Variants in IARS1 observed in about 807,000 individuals in gnomAD.
IARS1 encodes the protein isoleucyl-tRNA synthetase 1, also known as isoleucine--tRNA ligase, cytoplasmic.
In IARS1, 124 loss-of-function variants were observed where a neutral mutation model predicts 168.2. The observed-to-expected ratio is 0.74, with a 90% CI of 0.64 to 0.86. The LOEUF (loss-of-function observed/expected upper bound fraction) is 0.86. Ranked by LOEUF, IARS1 falls within the 40% of genes least tolerant of loss-of-function variation. IARS1 has a pLI of 0.00. For missense variants in IARS1, 1,452 were observed against 1,515.8 expected (o/e 0.96, Z 0.70); for synonymous variants, 532 against 529.4 (o/e 1.00, Z -0.07).
chr9:92,227,747 G>T (rs972060478), intron 31 of IARS1, among the ~76,000 whole-genome samples: 1 of 151,056 alleles, frequency 6.6e-6, no homozygotes, highest in African/African-American at 2.4e-5. Context: ...GGGCGGCCGG[G>T]CAGAGACGCT....
rs929273948 is a variant in IARS1, at chr9:92,240,559, C to T, written c.3283+297G>A. On this transcript the variant is annotated intron_variant, in intron 30 of 33. Coordinates refer to ENST00000443024, the MANE Select transcript of IARS1 (RefSeq NM_002161.6). ...ACAGGTGTGAGCTACCATGCCTGGC[C>T]CTTTTTTTTTTTTTAATTGAGGCAG... 1.4e-5 allele frequency: 9 copies of T among 640,080 alleles called. No homozygotes were observed. The Admixed American group carries it at 1.7e-4, about 12-fold the overall frequency. The allele number at this position is 640,080 out of a possible 1,614,324, so 39.7% of individuals were successfully genotyped here. A position where few individuals can be genotyped will look rare whatever the true frequency, so the allele number is the denominator to read the frequency against.
Position 92,244,944 on chromosome 9 carries a change from G to C in IARS1, c.2904+15C>G. 1.2e-6 allele frequency: 2 copies of C among 1,603,346 alleles called. No homozygotes were observed. Among genetic ancestry groups the C allele is most frequent in the East Asian group, 2.2e-5 (1 of 44,834 alleles). On this transcript the variant is annotated intron_variant, in intron 27 of 33. Transcript: ENST00000443024. ...ATCTCTTGGTAAAGAAATGTTCTAG[G>C]AAACAGAAAAATACCTGAGCATCTG...
chr9:92,290,892 G>A (rs1406282916), intron 1 of IARS1, among the ~76,000 whole-genome samples: 1 of 152,128 alleles, frequency 6.6e-6, no homozygotes, highest in East Asian at 1.9e-4. Flanking sequence ...TCTCTTTGAG[G>A]AAAACTGGTA....
At position 92,218,954 on chromosome 9, in the gene IARS1, G is replaced by A. The variant is rs540459595; in HGVS notation, c.3706+3566C>T. ...TTCATATGGAACCAAAAAGGAGCCC[G>A]CAACGCCAAGTCAATCCTAAGCCAA... On this transcript the variant is annotated intron_variant, in intron 33 of 33. Coordinates refer to ENST00000443024, the MANE Select transcript of IARS1 (RefSeq NM_002161.6). Among the ~76,000 whole-genome samples, 8 of 152,216 alleles carry A rather than the reference G, an allele frequency of 5.3e-5. No individual in the cohort carries two copies. In the South Asian group the frequency reaches 6.2e-4, roughly 12 times the overall value.
chr9:92,241,090 T>C (rs1828333748), intron 29 of IARS1, 129 bp from the exon 30 acceptor site: 1 of 551,372 alleles, frequency 1.8e-6, no homozygotes. Flanking sequence ...TTCAATCTCA[T>C]TACTCAAAGT....
At chr9:92,279,395 G>A (rs1254136057) in intron 7 of IARS1, among the ~76,000 whole-genome samples, 3 of 152,166 alleles carry the variant, frequency 2.0e-5, no homozygotes, top group African/African-American at 7.2e-5. Context: ...AATGGCTAGT[G>A]ACCCACCAGT....
Position 92,280,008 on chromosome 9 carries a change from C to T in IARS1, c.745+738G>A, listed in dbSNP as rs77244478. Among the ~76,000 whole-genome samples the T allele has an allele frequency of 6.6e-3, 1,011 of 152,278 alleles. 14 individuals are homozygous for T. The highest frequency in any genetic ancestry group is 0.019 in the African/African-American group (810 of 41,562). On this transcript the variant is annotated intron_variant, in intron 7 of 33. Transcript: ENST00000443024. ...TTAGGCTGAATAATATTCCACTGTA[C>T]GTAAATACCCTATTTGGTTTATTCA...
At chr9:92,287,747 TA>T in intron 4 of IARS1, 43 bp downstream of exon 4, 2 of 1,570,300 alleles carry the variant, frequency 1.3e-6, no homozygotes, top group Non-Finnish European at 1.7e-6. Context: ...GCCCATTTAG[TA>T]ACTACATTTG....
intron 30 of IARS1, among the ~76,000 whole-genome samples, chr9:92,237,685 C>T (rs1250855661): frequency 6.6e-6 from 1 of 152,158 alleles, no homozygotes; most frequent in Non-Finnish European, 1.5e-5. Context: ...TGTGTACTGA[C>T]ACTTCTATCA....
intron 6 of IARS1, among the ~76,000 whole-genome samples, 154 bp downstream of exon 6, chr9:92,285,568 A>G (rs770859577): frequency 1.3e-5 from 2 of 152,238 alleles, no homozygotes; most frequent in African/African-American, 4.8e-5. Context: ...CTAACTGGCA[A>G]TATTTCCAGC....
At chr9:92,289,144 T>G (rs1261646398) in intron 2 of IARS1, among the ~76,000 whole-genome samples, 157 bp downstream of exon 2, 4 of 138,028 alleles carry the variant, frequency 2.9e-5, no homozygotes, top group Non-Finnish European at 1.5e-5. Context: ...GAGGCAGAGG[T>G]AGCAGTGAGC....
rs570510855 is a variant in IARS1, at chr9:92,289,365, A to G, written c.55T>C (p.Leu19=). ...INFPAEEEKI[L]EFWTEFNCFQ... is the part of the protein sequence containing the mutation. The stretch of plus-strand genomic sequence containing the variant: ...CAATTAAATTCAGTCCAAAACTCCA[A>G]GATTTTCTCTTCTTCAGCAGGAAAA... The change falls in exon 2 of 34, where the codon TTG becomes CTG. Residue 19 remains leucine, a synonymous_variant. Coordinates refer to ENST00000443024, the MANE Select transcript of IARS1 (RefSeq NM_002161.6). 1 of 1,598,612 alleles carries G rather than the reference A, an allele frequency of 6.3e-7. No homozygotes were observed. The highest frequency in any genetic ancestry group is 1.7e-5 in the Admixed American group (1 of 59,490).
chr9:92,267,984 A>G (rs768744757), intron 14 of IARS1, among the ~76,000 whole-genome samples, 190 bp downstream of exon 14: 2 of 152,220 alleles, frequency 1.3e-5, no homozygotes, highest in Non-Finnish European at 2.9e-5. Context: ...ATTTAATTCA[A>G]GGAAAAAAAG....
At chr9:92,253,752 G>A (rs1830338648) in intron 20 of IARS1, 2 of 513,580 alleles carry the variant, frequency 3.9e-6, no homozygotes, top group Admixed American at 2.3e-5. Context: ...GTCCAAGACT[G>A]CCCACTACAC....
At chr9:92,235,848 T>C (rs1827434095) in intron 30 of IARS1, among the ~76,000 whole-genome samples, 1 of 152,024 alleles carries the variant, frequency 6.6e-6, no homozygotes, top group African/African-American at 2.4e-5. Context: ...AAATATTGAA[T>C]CAGCCTTGCA....
intron 2 of IARS1, among the ~76,000 whole-genome samples, chr9:92,288,966 TGA>T (rs749444960): frequency 1.1e-4 from 17 of 152,082 alleles, no homozygotes; most frequent in Non-Finnish European, 2.4e-4. Flanking sequence ...CCCAGCACTT[TGA>T]GAGGCCGAGG....
intron 26 of IARS1, among the ~76,000 whole-genome samples, chr9:92,246,172 A>C (rs990485111): frequency 6.6e-6 from 1 of 152,164 alleles, no homozygotes; most frequent in Non-Finnish European, 1.5e-5. Flanking sequence ...TTTTGAGTTG[A>C]TTAGTAATTA....
intron 1 of IARS1, chr9:92,292,673 A>T (rs1302451091): frequency 6.5e-6 from 1 of 154,336 alleles, no homozygotes; most frequent in Non-Finnish European, 1.5e-5. Flanking sequence ...TCTTATTATA[A>T]TCCAGGCCCT....
intron 22 of IARS1, chr9:92,251,195 G>A (rs75330455): frequency 2.4e-4 from 110 of 462,016 alleles, no homozygotes; most frequent in African/African-American, 1.9e-3. Flanking sequence ...CAGGATGGAG[G>A]TGATGAGATC....
Sources: allele counts gnomAD v4.1 joint callset (sites outside exome capture counted in the v4.1 genomes callset), GRCh38; gene constraint gnomAD v4.1.1; transcripts MANE v1.5; gene names NCBI Gene and HGNC (gene_info 2026-07-23, HGNC 2026-07-21).